FSTL4: variants seen among roughly 807,000 people sequenced by gnomAD.
FSTL4 encodes follistatin-related protein 4.
Under a neutral mutation model 78.2 loss-of-function variants are expected in FSTL4, and 28 were observed. That is an observed-to-expected ratio of 0.36 (90% CI 0.27 to 0.49). The LOEUF is 0.49. Ranked by LOEUF, FSTL4 falls within the 20% of genes least tolerant of loss-of-function variation. The pLI, the probability that FSTL4 is intolerant of heterozygous loss-of-function variation, is 0.98. For synonymous variants in FSTL4, 422 were observed against 440.5 expected, an observed-to-expected ratio of 0.96 and a Z score of 0.53; for missense variants, 922 against 1,084.9, an observed-to-expected ratio of 0.85 and a Z score of 2.11.
intron 4 of FSTL4, among the ~76,000 whole-genome samples, chr5:133,397,021 G>A (rs17166677): frequency 0.083 from 12,679 of 152,228 alleles, 705 homozygotes; most frequent in East Asian, 0.27. Context: ...TAATTTCATG[G>A]TTTGTTTGGA....
At chr5:133,522,075 C>T (rs1440117656) in intron 3 of FSTL4, among the ~76,000 whole-genome samples, 7 of 152,056 alleles carry the variant, frequency 4.6e-5, no homozygotes. Context: ...TCAGAGTTCC[C>T]CACAGTGACA....
chr5:133,205,147 T>C (rs1750454985), intron 14 of FSTL4, among the ~76,000 whole-genome samples: 1 of 152,244 alleles, frequency 6.6e-6, no homozygotes, highest in Non-Finnish European at 1.5e-5. Context: ...GTCTTTATTA[T>C]ATTTAAAGAA....
chr5:133,436,928 G>A (rs1382687912), intron 3 of FSTL4, among the ~76,000 whole-genome samples: 1 of 152,150 alleles, frequency 6.6e-6, no homozygotes, highest in Non-Finnish European at 1.5e-5. Context: ...TTAGAGTGGT[G>A]GTATTGGAGA....
intron 3 of FSTL4, among the ~76,000 whole-genome samples, chr5:133,474,918 A>C (rs953150549): frequency 6.6e-6 from 1 of 152,220 alleles, no homozygotes; most frequent in South Asian, 2.1e-4. Context: ...GGGGGAACTC[A>C]GCCTCACAGT....
chr5:133,224,347 C>T, intron 10 of FSTL4, 131 bp from the exon 11 acceptor site: 1 of 662,936 alleles, frequency 1.5e-6, no homozygotes, highest in Non-Finnish European at 2.7e-6. Context: ...CTTACAGAAT[C>T]TATACCACTC....
chr5:133,771,101 T>A, the FSTL4 span, among the ~76,000 whole-genome samples: 1 of 152,132 alleles, frequency 6.6e-6, no homozygotes, highest in Non-Finnish European at 1.5e-5. Context: ...TTTATAGCAG[T>A]GCCATGCTGT....
At chr5:133,425,349 A>C (rs1023325475) in intron 3 of FSTL4, among the ~76,000 whole-genome samples, 5 of 152,222 alleles carry the variant, frequency 3.3e-5, no homozygotes, top group Non-Finnish European at 7.3e-5. Flanking sequence ...AGTCAGCTAG[A>C]GGCTGGCAGA....
intron 4 of FSTL4, among the ~76,000 whole-genome samples, chr5:133,348,919 G>A (rs545564076): frequency 2.6e-5 from 4 of 152,126 alleles, no homozygotes; most frequent in African/African-American, 4.8e-5. Context: ...AAATCTACCC[G>A]CCTGAACCAG....
At chr5:133,417,883 C>CG (rs931317637) in intron 3 of FSTL4, among the ~76,000 whole-genome samples, 1 of 146,602 alleles carries the variant, frequency 6.8e-6, no homozygotes, top group South Asian at 2.2e-4. Context: ...CTCTTGAACC[C>CG]GGGAGGCGGA....
At chr5:133,783,064 T>A in the FSTL4 span, among the ~76,000 whole-genome samples, 1 of 152,114 alleles carries the variant, frequency 6.6e-6, no homozygotes, top group Admixed American at 6.5e-5. Flanking sequence ...GCTACAAAGT[T>A]TACATTTCGT....
chr5:133,348,966 A>T (rs17166625), intron 4 of FSTL4, among the ~76,000 whole-genome samples: 2,814 of 152,290 alleles, frequency 0.018, 37 homozygotes, highest in African/African-American at 0.041. Context: ...GCCAATTAAA[A>T]CAGCTAAGTC....
intron 12 of FSTL4, among the ~76,000 whole-genome samples, chr5:133,220,362 C>A (rs1235913124): frequency 6.6e-6 from 1 of 152,240 alleles, no homozygotes; most frequent in Non-Finnish European, 1.5e-5. Flanking sequence ...CAATCATGCT[C>A]CTGCCTCTGC....
chr5:133,445,069 A>G (rs540113374), intron 3 of FSTL4, among the ~76,000 whole-genome samples: 1 of 152,342 alleles, frequency 6.6e-6, no homozygotes, highest in Non-Finnish European at 1.5e-5. Flanking sequence ...TGCACCTAGC[A>G]CATAGCACCT....
chr5:133,362,261 T>C (rs1157296108), intron 4 of FSTL4, among the ~76,000 whole-genome samples: 2 of 152,256 alleles, frequency 1.3e-5, no homozygotes, highest in African/African-American at 4.8e-5. Flanking sequence ...TTACTACAAA[T>C]TACTTCCTTT....
At chr5:133,257,515 T>C (rs1044616798) in intron 6 of FSTL4, among the ~76,000 whole-genome samples, 17 of 152,200 alleles carry the variant, frequency 1.1e-4, no homozygotes, top group Non-Finnish European at 2.1e-4. Flanking sequence ...TACACCTTTT[T>C]AGTTTTGAGA....
chr5:133,658,677 A>G, the FSTL4 span, among the ~76,000 whole-genome samples: 1 of 151,366 alleles, frequency 6.6e-6, no homozygotes, highest in Admixed American at 6.6e-5. Flanking sequence ...ATTTGGGTTT[A>G]CTCTGTTTCC....
At chr5:133,358,858 T>A (rs1030657354) in intron 4 of FSTL4, among the ~76,000 whole-genome samples, 9 of 152,078 alleles carry the variant, frequency 5.9e-5, no homozygotes, top group African/African-American at 1.9e-4. Context: ...CCACTTCTTT[T>A]AAGTAAAATG....
At chr5:133,517,031 T>G (rs1758865962) in intron 3 of FSTL4, among the ~76,000 whole-genome samples, 1 of 151,434 alleles carries the variant, frequency 6.6e-6, no homozygotes, top group Non-Finnish European at 1.5e-5. Flanking sequence ...AAGCCATGAT[T>G]GCACCACTGC....
At chr5:133,780,277 G>A in the FSTL4 span, among the ~76,000 whole-genome samples, 2 of 152,098 alleles carry the variant, frequency 1.3e-5, no homozygotes, top group Non-Finnish European at 1.5e-5. Flanking sequence ...GTGGGGATAT[G>A]GGCAGAGCAG....
Sources: gnomAD v4.1 joint callset for allele counts (sites outside exome capture counted in the v4.1 genomes callset) on GRCh38, gnomAD v4.1.1 for gene constraint, MANE v1.5 for transcripts, NCBI Gene and HGNC (gene_info 2026-07-23, HGNC 2026-07-21) for gene names.